Variants in SMARCC2 observed in about 807,000 individuals in gnomAD.
The protein encoded by SMARCC2 is SWI/SNF related BAF chromatin remodeling complex subunit C2.
Under a neutral mutation model 151.3 loss-of-function variants are expected in SMARCC2, and 15 were observed. The ratio of observed to expected loss-of-function variants is 0.10; its 90% CI spans 0.07 to 0.15. The LOEUF is 0.15. Among genes scored for constraint, SMARCC2 ranks in the 10% least tolerant of loss-of-function variants. The pLI is 1.00. For missense variants in SMARCC2, 1,031 were observed against 1,599.7 expected (o/e 0.64, Z 6.06); for synonymous variants, 590 against 609.5 (o/e 0.97, Z 0.47).
chr12:56,189,310 C>T, intron 1 of SMARCC2, 41 bp downstream of exon 1: 1 of 1,327,868 alleles, frequency 7.5e-7, no homozygotes, highest in East Asian at 2.9e-5. Context: ...GTCCCTTTGT[C>T]CCGCCCCCGG....
chr12:56,181,980 A>G, intron 8 of SMARCC2, 24 bp downstream of exon 8: 1 of 1,598,228 alleles, frequency 6.3e-7, no homozygotes, highest in South Asian at 1.1e-5. Context: ...TTTTTGGGGA[A>G]GAGGGGATAC....
At chr12:56,187,441 T>TA in intron 1 of SMARCC2, 135 bp from the exon 2 acceptor site, 3 of 835,476 alleles carry the variant, frequency 3.6e-6, no homozygotes, top group Middle Eastern at 3.9e-4. Context: ...TTAGTCTCTA[T>TA]AAAGAAAATG....
At chr12:56,175,645 G>T (rs1007739822) in intron 15 of SMARCC2, among the ~76,000 whole-genome samples, 1 of 152,076 alleles carries the variant, frequency 6.6e-6, no homozygotes, top group Non-Finnish European at 1.5e-5. Context: ...TTCAGATCAT[G>T]GGCCAGATTA....
In SMARCC2 at chr12:56,171,325, C is replaced by T. The variant is rs776650611; in HGVS notation, c.2293G>A (p.Gly765Ser). ...KVTGKADPAF[G>S]LESSGIAGTT... ...CCTGCAATGCCACTGCTTTCCAGAC[C>T]GAAGGCAGGGTCCGCCTTGCCTGTT... Residue 765 changes from glycine (G) to serine (S), a missense_variant, in exon 22 of 29, where the codon GGT becomes AGT. Gly to Ser is a moderately conservative substitution (Grantham distance 56). This residue lies in a region of SMARCC2 where 119 missense variants were observed against 184.2 expected (regional missense o/e 0.65). Coordinates refer to ENST00000550164, the MANE Select transcript of SMARCC2 (RefSeq NM_001330288.2). This position sits in a 1 kb window ranked among gnomAD's most constrained non-coding sequence, Gnocchi z 4.2. 3.1e-6 allele frequency: 5 copies of T among 1,614,152 alleles called. No individual in the cohort carries two copies. The highest frequency in any genetic ancestry group is 1.1e-5 in the South Asian group (1 of 91,078).
chr12:56,170,045 C>A, intron 23 of SMARCC2, 99 bp downstream of exon 23: 2 of 1,431,260 alleles, frequency 1.4e-6, no homozygotes, highest in Non-Finnish European at 2.0e-6. Context: ...ACAACCCCGT[C>A]CAAAACCAGC....
At chr12:56,183,770 T>C (rs1463897753) in intron 7 of SMARCC2, 91 bp downstream of exon 7, 39 of 788,018 alleles carry the variant, frequency 4.9e-5, no homozygotes, top group South Asian at 2.8e-4. Context: ...TAAAAATAAC[T>C]CTGAAAGAGT....
At chr12:56,187,546 T>C (rs986579831) in intron 1 of SMARCC2, among the ~76,000 whole-genome samples, 15 of 152,200 alleles carry the variant, frequency 9.9e-5, no homozygotes, top group Non-Finnish European at 4.4e-5. Flanking sequence ...GGAAGCTTAC[T>C]ACTCTTCCTC....
intron 1 of SMARCC2, among the ~76,000 whole-genome samples, chr12:56,187,774 G>A (rs979489534): frequency 1.3e-5 from 2 of 152,146 alleles, no homozygotes; most frequent in Non-Finnish European, 2.9e-5. Context: ...AGGAAGTGAA[G>A]GAGGGCAAGT....
Position 56,189,344 on chromosome 12 carries a change from C to G in SMARCC2, c.111+7G>C. On this transcript the variant is annotated splice_region_variant and intron_variant, in intron 1 of 28. Coordinates refer to ENST00000550164, the MANE Select transcript of SMARCC2 (RefSeq NM_001330288.2). ...GGTCCCCGCGCGGCCCGGCCCGGCC[C>G]GCGTACCTTCTTGTAGTTCTTGCCG... is the stretch of plus-strand genomic sequence containing the variant. 6.7e-7 allele frequency: 1 copy of G among 1,495,650 alleles called. No individual in the cohort carries two copies. Among genetic ancestry groups the G allele is most frequent in the African/African-American group, 1.4e-5 (1 of 69,496 alleles). The allele number at this position is 1,495,650 out of a possible 1,614,324, so 92.6% of individuals were successfully genotyped here.
Position 56,181,565 on chromosome 12 carries a change from C to T in SMARCC2, c.873G>A (p.Lys291=). The change falls in exon 10 of 29, where the codon AAG becomes AAA. Residue 291 remains lysine, a synonymous_variant. Coordinates refer to ENST00000550164, the MANE Select transcript of SMARCC2 (RefSeq NM_001330288.2). ...TCCTCTTCTTATAGTTTCCCCCCTTCTTGTCCCGTCGATCTGAATCTGGGC... is the reference window on the plus strand; with the variant it reads ...TCCTCTTCTTATAGTTTCCCCCCTTTTTGTCCCGTCGATCTGAATCTGGGC... ...VNSPDSDRRD[K]KGGNYKKRKR... 1 of 1,593,276 alleles carries T rather than the reference C, an allele frequency of 6.3e-7. No individual in the cohort carries two copies. Among genetic ancestry groups the T allele is most frequent in the Non-Finnish European group, 8.5e-7 (1 of 1,170,038 alleles).
intron 2 of SMARCC2, chr12:56,186,628 G>A (rs972521026): frequency 2.7e-5 from 6 of 224,374 alleles, no homozygotes; most frequent in African/African-American, 1.4e-4. Context: ...GAGATTACAG[G>A]CGTGAGCCAC....
chr12:56,180,089 T>C (rs1386872651), intron 11 of SMARCC2, among the ~76,000 whole-genome samples: 1 of 152,110 alleles, frequency 6.6e-6, no homozygotes, highest in African/African-American at 2.4e-5. Context: ...AGTACATAAT[T>C]AATGCATATA....
At chr12:56,181,215 C>T (rs1876134010) in intron 10 of SMARCC2, 114 bp from the exon 11 acceptor site, 3 of 1,030,526 alleles carry the variant, frequency 2.9e-6, no homozygotes, top group African/African-American at 1.6e-5. Flanking sequence ...GAGCTGAGTA[C>T]AAACAGAAAC....
At position 56,178,499 on chromosome 12, in the gene SMARCC2, C is replaced by G; in HGVS notation, c.1215G>C (p.Glu405Asp). 1 of 1,614,202 alleles carries G rather than the reference C, an allele frequency of 6.2e-7. No homozygotes were observed. Among genetic ancestry groups the G allele is most frequent in the Non-Finnish European group, 8.5e-7 (1 of 1,180,032 alleles). Residue 405 changes from glutamate to aspartate, a missense_variant, in exon 14 of 29, where the codon GAG becomes GAC. This residue lies in a region of SMARCC2 where 127 missense variants were observed against 141.7 expected (regional missense o/e 0.90). Transcript: ENST00000550164. ...EDENSTGNKG[E>D]QTKNPDLHED... ...CATGCAGGTCTGGATTCTTGGTCTG[C>G]TCTCCCTTGTTCCCCGTACTGTTCT... is the stretch of plus-strand genomic sequence containing the variant.
At chr12:56,168,381 CTTT>C (rs545900697) in intron 25 of SMARCC2, among the ~76,000 whole-genome samples, 187 bp from the exon 26 acceptor site, 3 of 142,608 alleles carry the variant, frequency 2.1e-5, no homozygotes. Context: ...TTTCTTTTTT[CTTT>C]TTTTTTTTTT....
Position 56,187,242 on chromosome 12 carries a change from A to T in SMARCC2, c.176T>A (p.Phe59Tyr). ...ATGTTTGCCAAAAACTTCTTCCTGA[A>T]ATTGTAGCAACTGTACAACCAGGCT... The part of the protein sequence containing the change: ...LSSLVVQLLQ[F>Y]QEEVFGKHVS... The change falls in exon 2 of 29, where the codon TTT becomes TAT. Residue 59 changes from phenylalanine (F) to tyrosine (Y), a missense_variant. Phe to Tyr is a conservative substitution (Grantham distance 22). This residue lies in a region of SMARCC2 where 14 missense variants were observed against 45.4 expected (regional missense o/e 0.31). Coordinates refer to ENST00000550164, the MANE Select transcript of SMARCC2 (RefSeq NM_001330288.2). 1 of 1,614,066 alleles carries T rather than the reference A, an allele frequency of 6.2e-7. No homozygotes were observed. The highest frequency in any genetic ancestry group is 8.5e-7 in the Non-Finnish European group (1 of 1,179,936).
chr12:56,183,591 G>C (rs1407369566), intron 7 of SMARCC2: 1 of 350,174 alleles, frequency 2.9e-6, no homozygotes, highest in Non-Finnish European at 5.3e-6. Context: ...TTTTCCTACT[G>C]TTAGACATTT....
intron 6 of SMARCC2, 57 bp downstream of exon 6, chr12:56,184,118 C>G: frequency 7.5e-7 from 1 of 1,326,250 alleles, no homozygotes; most frequent in South Asian, 1.2e-5. Flanking sequence ...TGATCTTAGT[C>G]CTCTGCCTCC....
At chr12:56,178,742 C>G in intron 13 of SMARCC2, 68 bp downstream of exon 13, 1 of 1,548,478 alleles carries the variant, frequency 6.5e-7, no homozygotes, top group South Asian at 1.1e-5. Context: ...AAAGTTTGGG[C>G]AGAATGAACT....
Sources: allele counts gnomAD v4.1 joint callset (sites outside exome capture counted in the v4.1 genomes callset), GRCh38; gene constraint gnomAD v4.1.1; regional missense constraint gnomAD v4.1.1; non-coding constraint Gnocchi (gnomAD v3.1); transcripts MANE v1.5; gene names NCBI Gene and HGNC (gene_info 2026-07-23, HGNC 2026-07-21).